TCERG1: variants seen among roughly 807,000 people sequenced by gnomAD.
TCERG1 encodes the protein TATA box binding protein (TBP)-associated factor, RNA polymerase II, S, 150kD.
TCERG1 carries 37 observed loss-of-function variants against 144.7 expected under a neutral mutation model. The ratio of observed to expected loss-of-function variants is 0.26; its 90% confidence interval spans 0.20 to 0.34. TCERG1 has a LOEUF of 0.34. Ranked by LOEUF, TCERG1 falls within the 10% of genes least tolerant of loss-of-function variation. The pLI, the probability that TCERG1 is intolerant of heterozygous loss-of-function variation, is 1.00. For synonymous variants in TCERG1, 492 were observed against 458.2 expected (o/e 1.07, Z -0.94); for missense variants, 1,027 against 1,380.7 (o/e 0.74, Z 4.06).
In TCERG1 at chr5:146,459,167, C is replaced by G. The variant is rs1400328257; in HGVS notation, c.722C>G (p.Ala241Gly). The G allele has an allele frequency of 2.5e-6, 4 of 1,612,608 alleles. No homozygotes were observed. The highest frequency in any genetic ancestry group is 3.4e-6 in the Non-Finnish European group (4 of 1,178,772). ...AQAQAQAQAQAQVQAQVQAQV... is the reference protein window; with the variant it reads ...AQAQAQAQAQGQVQAQVQAQV... ...GCACAAGCTCAGGCCCAGGCCCAGG[C>G]TCAGGTCCAGGCCCAGGTCCAGGCA... The change falls in exon 4 of 23, where the codon GCT becomes GGT. Residue 241 changes from alanine (A) to glycine (G), a missense_variant. By Grantham distance (60) the Ala-to-Gly change is moderately conservative. Around this residue, in one of 6 missense-constraint regions of TCERG1, gnomAD observed 187 missense variants for 169.1 expected, o/e 1.11. Coordinates refer to ENST00000679501, the MANE Select transcript of TCERG1 (RefSeq NM_001382548.1).
At chr5:146,509,063 C>A in intron 21 of TCERG1, 82 bp from the exon 22 acceptor site, 1 of 711,836 alleles carries the variant, frequency 1.4e-6, no homozygotes, top group Non-Finnish European at 2.3e-6. Context: ...TTACACATTA[C>A]TGTTTAATAA....
chr5:146,488,591 C>T (rs925881506), intron 15 of TCERG1, among the ~76,000 whole-genome samples: 4 of 152,074 alleles, frequency 2.6e-5, no homozygotes, highest in African/African-American at 9.7e-5. Flanking sequence ...GGCAAGGATA[C>T]TCAGAAAAGG....
intron 7 of TCERG1, among the ~76,000 whole-genome samples, chr5:146,470,326 C>G (rs564360553): frequency 2.7e-4 from 41 of 152,232 alleles, no homozygotes; most frequent in African/African-American, 9.1e-4. Context: ...TTTTCTATTC[C>G]TAAGTATCTT....
rs966049051 is a variant in TCERG1, at chr5:146,450,303, C to T, written c.59+2895C>T. Among the ~76,000 whole-genome samples, 22 of 152,086 alleles carry T rather than the reference C, an allele frequency of 1.4e-4. No homozygotes were observed. In the East Asian group the frequency reaches 2.5e-3, roughly 17 times the overall value. On this transcript the variant is annotated intron_variant, in intron 1 of 22. Coordinates refer to ENST00000679501, the MANE Select transcript of TCERG1 (RefSeq NM_001382548.1). ...CTAGAGGCTGAGTAATGAGAAGGAG[C>T]TAGTTATGTGAAAATCTGGGGAAGA...
chr5:146,453,770 T>A (rs1389897433), intron 1 of TCERG1, among the ~76,000 whole-genome samples: 2 of 149,414 alleles, frequency 1.3e-5, no homozygotes, highest in African/African-American at 4.9e-5. Flanking sequence ...AAACCCTGTC[T>A]CTAAAAAAAA....
At chr5:146,452,590 CTTTA>C (rs1762451399) in intron 1 of TCERG1, among the ~76,000 whole-genome samples, 1 of 152,086 alleles carries the variant, frequency 6.6e-6, no homozygotes, top group South Asian at 2.1e-4. Flanking sequence ...TCTTTATTTT[CTTTA>C]TTTATTTATT....
At chr5:146,482,453 A>G in intron 13 of TCERG1, 139 bp from the exon 14 acceptor site, 1 of 647,706 alleles carries the variant, frequency 1.5e-6, no homozygotes, top group Non-Finnish European at 2.5e-6. Flanking sequence ...GTTCATTTGA[A>G]ACCCTCAATA....
At chr5:146,479,429 T>C (rs919841510) in intron 10 of TCERG1, among the ~76,000 whole-genome samples, 17 of 152,172 alleles carry the variant, frequency 1.1e-4, no homozygotes, top group African/African-American at 3.9e-4. Context: ...GGTACTAGGC[T>C]CACCTTCAGC....
chr5:146,478,821 A>G (rs1469371947), intron 10 of TCERG1, among the ~76,000 whole-genome samples, 168 bp downstream of exon 10: 1 of 152,348 alleles, frequency 6.6e-6, no homozygotes, highest in Middle Eastern at 3.4e-3. Flanking sequence ...GATTAAAAAT[A>G]TGGAGAGAAT....
At chr5:146,509,412 CT>C (rs375876511) in intron 22 of TCERG1, among the ~76,000 whole-genome samples, 167 bp downstream of exon 22, 1,986 of 140,450 alleles carry the variant, frequency 0.014, 92 homozygotes, top group Admixed American at 0.091. Context: ...ATCTACCATA[CT>C]TTTTTTTTTT....
chr5:146,478,740 T>G, intron 10 of TCERG1, 87 bp downstream of exon 10: 1 of 1,345,352 alleles, frequency 7.4e-7, no homozygotes, highest in Non-Finnish European at 9.8e-7. Context: ...TAGAAACCCT[T>G]TATTTTTCAA....
At chr5:146,503,074 T>C (rs1164431017) in intron 17 of TCERG1, 5 of 160,042 alleles carry the variant, frequency 3.1e-5, no homozygotes, top group African/African-American at 1.2e-4. Context: ...GATCTAAAGT[T>C]ATCAACAATC....
chr5:146,498,896 A>G (rs567201476), intron 17 of TCERG1, among the ~76,000 whole-genome samples: 2 of 152,286 alleles, frequency 1.3e-5, no homozygotes, highest in South Asian at 4.1e-4. Flanking sequence ...TCACTAAACT[A>G]TATACTTTTG....
chr5:146,500,544 C>T (rs1419246100), intron 17 of TCERG1, among the ~76,000 whole-genome samples: 1 of 152,154 alleles, frequency 6.6e-6, no homozygotes, highest in Non-Finnish European at 1.5e-5. Context: ...AATAGCTGAA[C>T]ACTAAAGGTT....
rs371433599 is a variant in TCERG1 at position 146,459,324 on chromosome 5, G to A, written c.879G>A (p.Ala293=). 14 of 1,613,878 alleles carry A rather than the reference G, an allele frequency of 8.7e-6. No homozygotes were observed. The highest frequency in any genetic ancestry group is 4.4e-5 in the South Asian group (4 of 91,056). ...TSTTTTATSV[A]QTVSTPTTQD... is the part of the protein sequence containing the mutation. ...CCACAACAACTGCTACTTCAGTTGC[G>A]CAGACAGTATCAAGTGAGTACCACT... The change falls in exon 4 of 23, where the codon GCG becomes GCA. Residue 293 remains alanine, a synonymous_variant. Coordinates refer to ENST00000679501, the MANE Select transcript of TCERG1 (RefSeq NM_001382548.1).
chr5:146,456,155 G>T (rs1762821546), intron 2 of TCERG1, among the ~76,000 whole-genome samples: 1 of 152,206 alleles, frequency 6.6e-6, no homozygotes. Context: ...GAAGAGACAG[G>T]TTTTAATACT....
intron 17 of TCERG1, among the ~76,000 whole-genome samples, chr5:146,502,847 C>A (rs1767613895): frequency 6.6e-6 from 1 of 152,148 alleles, no homozygotes; most frequent in South Asian, 2.1e-4. Context: ...ATTTTGATTT[C>A]AGACATTTGA....
chr5:146,506,144 C>G (rs950156999), intron 19 of TCERG1, among the ~76,000 whole-genome samples: 5 of 152,144 alleles, frequency 3.3e-5, no homozygotes, highest in Non-Finnish European at 7.4e-5. Flanking sequence ...AATCTTATTG[C>G]AAAGCACGGT....
intron 6 of TCERG1, among the ~76,000 whole-genome samples, chr5:146,468,684 A>T (rs2150371033): frequency 6.6e-6 from 1 of 152,310 alleles, no homozygotes; most frequent in South Asian, 2.1e-4. Context: ...CATATTCATA[A>T]CATTTAATTT....
Sources: allele counts gnomAD v4.1 joint callset (sites outside exome capture counted in the v4.1 genomes callset), GRCh38; gene constraint gnomAD v4.1.1; regional missense constraint gnomAD v4.1.1; transcripts MANE v1.5; gene names NCBI Gene and HGNC (gene_info 2026-07-23, HGNC 2026-07-21).